Variants in POLQ observed in about 807,000 individuals in gnomAD.
POLQ encodes the protein epididymis secretory sperm binding protein.
A neutral mutation model predicts 259.2 loss-of-function variants in POLQ; 233 were observed. The ratio of observed to expected loss-of-function variants is 0.90; its 90% CI spans 0.81 to 1.00. The LOEUF (loss-of-function observed/expected upper bound fraction) is 1.00. Among genes scored for constraint, POLQ ranks in the 50% least tolerant of loss-of-function variants. The pLI, the probability that POLQ is intolerant of heterozygous loss-of-function variation, is 0.00. For missense variants in POLQ, 2,871 were observed against 3,051.6 expected (o/e 0.94, Z 1.39); for synonymous variants, 1,025 against 1,048.8 (o/e 0.98, Z 0.44).
At chr3:121,491,078 C>T (rs61796946) in intron 15 of POLQ, among the ~76,000 whole-genome samples, 2 of 151,862 alleles carry the variant, frequency 1.3e-5, no homozygotes, top group African/African-American at 2.4e-5. Flanking sequence ...AAAGGCTGTG[C>T]GCAGTGGCTC....
chr3:121,509,822 C>T (rs2048238499), intron 11 of POLQ, 119 bp from the exon 12 acceptor site: 3 of 1,015,008 alleles, frequency 3.0e-6, no homozygotes, highest in African/African-American at 1.6e-5. Context: ...ACAAATAGTA[C>T]CTTATCCAGA....
intron 24 of POLQ, among the ~76,000 whole-genome samples, chr3:121,465,652 C>T (rs1466121123): frequency 1.3e-5 from 2 of 152,044 alleles, no homozygotes; most frequent in South Asian, 2.1e-4. Context: ...ATTTCAAACC[C>T]TCTCATTATT....
At position 121,489,413 on chromosome 3, in the gene POLQ, A is replaced by G. The variant is rs1293232374; in HGVS notation, c.3518T>C (p.Ile1173Thr). The G allele has an allele frequency of 5.0e-6, 8 of 1,613,996 alleles. No homozygotes were observed. Among genetic ancestry groups the G allele is most frequent in the South Asian group, 2.2e-5 (2 of 91,026 alleles). ...VEAEKINEVL[I>T]QNGSKNQNVY... Reference sequence around the variant, plus strand: ...ATTCTGGTTTTTTGAACCATTTTGTATCAGCACTTCATTTATTTTTTCTGC... The same window carrying G: ...ATTCTGGTTTTTTGAACCATTTTGTGTCAGCACTTCATTTATTTTTTCTGC... The change falls in exon 16 of 30, where the codon ATA (isoleucine) becomes ACA (threonine). Residue 1173 changes from isoleucine to threonine, a missense_variant. Physicochemically the swap from Ile to Thr is moderately conservative, Grantham distance 89. Around this residue, in one of 3 missense-constraint regions of POLQ, gnomAD observed 2,080 missense variants for 2,126.0 expected, o/e 0.98. Transcript: ENST00000264233.
intron 6 of POLQ, 47 bp downstream of exon 6, chr3:121,532,943 T>C (rs1227362967): frequency 1.7e-6 from 2 of 1,195,488 alleles, no homozygotes; most frequent in African/African-American, 3.0e-5. Context: ...GAAAATGAAA[T>C]CAAACACACA....
Position 121,487,844 on chromosome 3 carries a change from G to T in POLQ, c.5087C>A (p.Ser1696Tyr). 1.2e-6 allele frequency: 2 copies of T among 1,610,068 alleles called. No individual in the cohort carries two copies. Residue 1696 changes from serine (S) to tyrosine (Y), a missense_variant, in exon 16 of 30, where the codon TCT becomes TAT. Physicochemically the swap from Ser to Tyr is moderately radical, Grantham distance 144. Around this residue, in one of 3 missense-constraint regions of POLQ, gnomAD observed 2,080 missense variants for 2,126.0 expected, o/e 0.98. Coordinates refer to ENST00000264233, the MANE Select transcript of POLQ (RefSeq NM_199420.4). Reference protein sequence around the residue: ...ETKQVQGISFSSNNEVKSKIE... With the variant: ...ETKQVQGISFYSNNEVKSKIE... Reference sequence around the variant, plus strand: ...CTTGCTTTTTACTTCATTATTAGAAGAAAATGAAATTCCCTGCACTTGTTT... The same window carrying T: ...CTTGCTTTTTACTTCATTATTAGAATAAAATGAAATTCCCTGCACTTGTTT...
rs2047727386 is a variant in POLQ at position 121,455,562 on chromosome 3, A to T, written c.7152+4488T>A. Among the ~76,000 whole-genome samples, 4 of 152,264 alleles carry T rather than the reference A, an allele frequency of 2.6e-5. No individual in the cohort carries two copies. The South Asian group carries it at 8.3e-4, about 32-fold the overall frequency. ...AAGGATAAAGGGGATATCACCACCG[A>T]TCCCACAGAAATACAAACTACCATC... On this transcript the variant is annotated intron_variant, in intron 25 of 29. Coordinates refer to ENST00000264233, the MANE Select transcript of POLQ (RefSeq NM_199420.4).
rs146051226 is a variant in POLQ, at chr3:121,453,737, G to C, written c.7153-4311C>G. ...CAAGAAATATGAGATTATGTGAAAA[G>C]ACCAAATCTATGTCTCACTGGTGTA... is the stretch of plus-strand genomic sequence containing the variant. On this transcript the variant is annotated intron_variant, in intron 25 of 29. Transcript: ENST00000264233. Among the ~76,000 whole-genome samples the C allele has an allele frequency of 7.2e-4, 110 of 152,244 alleles. No homozygotes were observed. In the Middle Eastern group the frequency reaches 0.01, roughly 14 times the overall value.
intron 2 of POLQ, among the ~76,000 whole-genome samples, chr3:121,543,047 G>A (rs1375993112): frequency 6.6e-6 from 1 of 152,062 alleles, no homozygotes; most frequent in Non-Finnish European, 1.5e-5. Context: ...GAATGAACTA[G>A]TTTCAAAGCT....
At position 121,489,184 on chromosome 3, in the gene POLQ, T is replaced by TG; in HGVS notation, c.3746dup (p.Ser1250LysfsTer9). The TG allele has an allele frequency of 6.2e-7, 1 of 1,612,386 alleles. No homozygotes were observed. The highest frequency in any genetic ancestry group is 8.5e-7 in the Non-Finnish European group (1 of 1,179,388). The stretch of plus-strand genomic sequence containing the variant: ...CATCTCCTAATGCCTGAAAATGACT[T>TG]GGTTTATTTTCCTCTGTATTAAGCT... On this transcript the variant is annotated frameshift_variant, in exon 16 of 30. Transcript: ENST00000264233. LOFTEE classifies it high-confidence loss of function.
chr3:121,476,689 A>G lies in POLQ; in HGVS notation c.6256T>C (p.Leu2086=), dbSNP rs569059742. Residue 2086 remains leucine (L), a synonymous_variant, in exon 20 of 30, where the codon TTG becomes CTG. Transcript: ENST00000264233. ...VEMPSQYCLA[L]LELNGIGFST... ...AAGCCAATTCCATTTAGTTCTAGCA[A>G]GGCCAAGCAGTACTGAGAGGGCATT... 2.5e-6 allele frequency: 4 copies of G among 1,613,678 alleles called. No homozygotes were observed. The African/African-American group carries it at 5.3e-5, about 22-fold the overall frequency.
At chr3:121,521,911 G>A in intron 8 of POLQ, 92 bp downstream of exon 8, 1 of 939,900 alleles carries the variant, frequency 1.1e-6, no homozygotes, top group Non-Finnish European at 1.6e-6. Context: ...CATTAAGTGT[G>A]TTTAACAAGA....
At chr3:121,516,714 A>C (rs2048299935) in intron 9 of POLQ, among the ~76,000 whole-genome samples, 1 of 152,204 alleles carries the variant, frequency 6.6e-6, no homozygotes, top group Non-Finnish European at 1.5e-5. Context: ...TAAATAAAAC[A>C]CCATGTGCTG....
chr3:121,509,973 GAGC>G lies in POLQ; in HGVS notation c.1816+63_1816+65del, dbSNP rs1399141917. On this transcript the variant is annotated intron_variant, in intron 11 of 29. Coordinates refer to ENST00000264233, the MANE Select transcript of POLQ (RefSeq NM_199420.4). The stretch of plus-strand genomic sequence containing the variant: ...CATGAAAAGACAATTTCCATTCACT[GAGC>G]AGTCATACAACCTCACTAAAGAAGA... 55 of 1,228,198 alleles carry G rather than the reference GAGC, an allele frequency of 4.5e-5. No homozygotes were observed. In the Admixed American group the frequency reaches 1.0e-3, roughly 22 times the overall value. The allele number at this position is 1,228,198 out of a possible 1,614,324, so 76.1% of individuals were successfully genotyped here.
chr3:121,483,479 T>C lies in POLQ; in HGVS notation c.5877A>G (p.Glu1959=). The C allele has an allele frequency of 6.2e-7, 1 of 1,609,096 alleles. No homozygotes were observed. The highest frequency in any genetic ancestry group is 1.7e-5 in the Admixed American group (1 of 59,126). ...TGAAGTCATAGATGACAACAGAACA[T>C]TCTTTATCAGATTCCTTTCGCAAGC... is the stretch of plus-strand genomic sequence containing the variant. The part of the protein sequence containing the change: ...QSCLRKESDK[E]CSVVIYDFIQ... The change falls in exon 18 of 30, where the codon GAA becomes GAG. Residue 1959 remains glutamate (E), a synonymous_variant. Transcript: ENST00000264233.
chr3:121,509,922 CA>C (rs1314276910), intron 11 of POLQ, 116 bp downstream of exon 11: 3 of 952,796 alleles, frequency 3.1e-6, no homozygotes, highest in Non-Finnish European at 4.8e-6. Flanking sequence ...ATACACTGCT[CA>C]AAAAATCAAA....
chr3:121,496,254 G>C (rs1371299409), intron 14 of POLQ, among the ~76,000 whole-genome samples: 3 of 149,018 alleles, frequency 2.0e-5, no homozygotes, highest in Non-Finnish European at 4.4e-5. Flanking sequence ...TCAGCTCACT[G>C]CAACCTCTGC....
At chr3:121,445,300 C>A (rs1379485477) in intron 26 of POLQ, among the ~76,000 whole-genome samples, 1 of 152,036 alleles carries the variant, frequency 6.6e-6, no homozygotes, top group African/African-American at 2.4e-5. Flanking sequence ...TTAGACTGTT[C>A]AGGTTTTTTT....
At chr3:121,452,986 C>T (rs1231814748) in intron 25 of POLQ, among the ~76,000 whole-genome samples, 3 of 152,050 alleles carry the variant, frequency 2.0e-5, no homozygotes, top group Admixed American at 2.0e-4. Context: ...TGGGAGGCAC[C>T]CCCCAGTAGG....
intron 1 of POLQ, 48 bp from the exon 2 acceptor site, chr3:121,544,954 G>C: frequency 8.5e-7 from 1 of 1,183,124 alleles, no homozygotes; most frequent in Non-Finnish European, 1.2e-6. Flanking sequence ...TCTAATATAT[G>C]AGTTTTACAG....
Sources: gnomAD v4.1 joint callset for allele counts (sites outside exome capture counted in the v4.1 genomes callset) on GRCh38, gnomAD v4.1.1 for gene constraint, gnomAD v4.1.1 regional missense constraint, MANE v1.5 for transcripts, NCBI Gene and HGNC (gene_info 2026-07-23, HGNC 2026-07-21) for gene names.